LARGE1: variants seen among roughly 807,000 people sequenced by gnomAD.
LARGE1 encodes the protein xylosyl- and glucuronyltransferase LARGE1.
A neutral mutation model predicts 87.6 loss-of-function variants in LARGE1; 43 were observed. That is an observed-to-expected ratio of 0.49 (90% CI 0.38 to 0.63). LARGE1 has a LOEUF of 0.63. Ranked by LOEUF, LARGE1 falls within the 30% of genes least tolerant of loss-of-function variation. The pLI, the probability that LARGE1 is intolerant of heterozygous loss-of-function variation, is 0.00. For synonymous variants in LARGE1, 434 were observed against 394.6 expected, an observed-to-expected ratio of 1.10 and a Z score of -1.18; for missense variants, 802 against 1,000.2, an observed-to-expected ratio of 0.80 and a Z score of 2.67.
chr22:33,352,422 T>C (rs776572825), intron 9 of LARGE1, among the ~76,000 whole-genome samples: 5 of 152,166 alleles, frequency 3.3e-5, no homozygotes, highest in African/African-American at 2.4e-5. Context: ...AAGCAATATA[T>C]TGATGTTGGT....
intron 7 of LARGE1, among the ~76,000 whole-genome samples, chr22:33,411,730 C>G (rs2066310937): frequency 1.3e-5 from 2 of 152,098 alleles, no homozygotes; most frequent in South Asian, 4.1e-4. Flanking sequence ...AACCTAGGTA[C>G]AGCTAAAATA....
intron 2 of LARGE1, among the ~76,000 whole-genome samples, chr22:33,668,440 G>C (rs1398059796): frequency 6.6e-6 from 1 of 152,222 alleles, no homozygotes; most frequent in African/African-American, 2.4e-5. Flanking sequence ...GCATTTAGCT[G>C]CTCCAGCTAA....
intron 1 of LARGE1, among the ~76,000 whole-genome samples, chr22:33,882,032 T>TG (rs201650231): frequency 0.038 from 5,182 of 137,640 alleles, 104 homozygotes; most frequent in Middle Eastern, 0.07. Flanking sequence ...TTTTTTTGTT[T>TG]TTGTTTTTTT....
intron 1 of LARGE1, among the ~76,000 whole-genome samples, chr22:33,812,471 CAGG>C (rs2086525823): frequency 6.6e-6 from 1 of 152,222 alleles, no homozygotes; most frequent in Non-Finnish European, 1.5e-5. Flanking sequence ...TCTCTTCATT[CAGG>C]TCTCCTAGGA....
intron 6 of LARGE1, among the ~76,000 whole-genome samples, chr22:33,535,209 G>A (rs924504875): frequency 3.3e-5 from 5 of 152,168 alleles, no homozygotes; most frequent in African/African-American, 1.2e-4. Flanking sequence ...ACAATGAAGT[G>A]CGTGTGTCCG....
chr22:33,660,101 T>G (rs1306400410), intron 2 of LARGE1, among the ~76,000 whole-genome samples: 9 of 150,914 alleles, frequency 6.0e-5, no homozygotes, highest in African/African-American at 2.2e-4. Context: ...TTTTTTTTTT[T>G]TTTTTTTGCC....
chr22:33,311,614 A>G (rs1276833193), intron 11 of LARGE1, among the ~76,000 whole-genome samples: 2 of 152,240 alleles, frequency 1.3e-5, no homozygotes, highest in African/African-American at 4.8e-5. Flanking sequence ...GTGAGGCTCA[A>G]AAAGGCTAAG....
intron 1 of LARGE1, among the ~76,000 whole-genome samples, chr22:33,849,592 C>CTTTTTTTTTTTTTT (rs71187287): frequency 1.1e-5 from 1 of 88,592 alleles, no homozygotes; most frequent in African/African-American, 4.7e-5. Context: ...CTTTTCTTCT[C>CTTTTTTTTTTTTTT]TTTTTTTTTT....
At chr22:33,170,450 C>A (rs1459541441) in intron 11 of LARGE1, among the ~76,000 whole-genome samples, 1 of 152,186 alleles carries the variant, frequency 6.6e-6, no homozygotes, top group East Asian at 1.9e-4. Context: ...TGTCCCTACC[C>A]AAATCTCATC....
At chr22:33,912,589 A>G (rs2065668410) in intron 1 of LARGE1, among the ~76,000 whole-genome samples, 1 of 152,130 alleles carries the variant, frequency 6.6e-6, no homozygotes, top group Non-Finnish European at 1.5e-5. Context: ...CAGCCCCATA[A>G]TGCGACAAAA....
At chr22:33,142,038 C>CAA in the LARGE1 span, among the ~76,000 whole-genome samples, 2 of 151,968 alleles carry the variant, frequency 1.3e-5, no homozygotes, top group South Asian at 4.2e-4. Context: ...AACAACAAAA[C>CAA]AAAACAAAAC....
At chr22:33,386,112 G>A (rs2065315034) in intron 7 of LARGE1, among the ~76,000 whole-genome samples, 1 of 148,924 alleles carries the variant, frequency 6.7e-6, no homozygotes, top group Admixed American at 6.7e-5. Flanking sequence ...GGACAAATTA[G>A]ATCTGCTGCA....
intron 6 of LARGE1, among the ~76,000 whole-genome samples, chr22:33,457,649 A>C (rs900728294): frequency 1.3e-4 from 20 of 152,198 alleles, no homozygotes; most frequent in Non-Finnish European, 5.9e-5. Context: ...AAAAGTGTAC[A>C]AAAAAGGAAT....
intron 1 of LARGE1, among the ~76,000 whole-genome samples, chr22:33,824,451 A>G (rs377344248): frequency 6.6e-6 from 1 of 152,212 alleles, no homozygotes; most frequent in African/African-American, 2.4e-5. Flanking sequence ...CATTATCACG[A>G]GAACAGCAAG....
chr22:33,546,898 T>G (rs1335968310), intron 6 of LARGE1, among the ~76,000 whole-genome samples: 1 of 152,224 alleles, frequency 6.6e-6, no homozygotes, highest in Non-Finnish European at 1.5e-5. Flanking sequence ...TTATCCATTC[T>G]TACAAACTCG....
chr22:33,427,928 G>A (rs2066935490), intron 7 of LARGE1, among the ~76,000 whole-genome samples: 1 of 152,214 alleles, frequency 6.6e-6, no homozygotes, highest in African/African-American at 2.4e-5. Context: ...CTTTTCTGGG[G>A]ATTTTCAAAG....
chr22:33,635,091 C>T (rs1006511630), intron 3 of LARGE1, among the ~76,000 whole-genome samples: 1 of 151,288 alleles, frequency 6.6e-6, no homozygotes, highest in African/African-American at 2.4e-5. Context: ...GCACTCTAGC[C>T]TGGGTGACAG....
At chr22:33,599,237 C>T (rs1260352910) in intron 5 of LARGE1, among the ~76,000 whole-genome samples, 1 of 152,222 alleles carries the variant, frequency 6.6e-6, no homozygotes, top group Non-Finnish European at 1.5e-5. Context: ...TAATCTTAAG[C>T]AAATGCTCTT....
intron 2 of LARGE1, among the ~76,000 whole-genome samples, chr22:33,667,154 C>T (rs1398078225): frequency 6.6e-6 from 1 of 152,256 alleles, no homozygotes; most frequent in Non-Finnish European, 1.5e-5. Flanking sequence ...CGCATATACA[C>T]ACACCTGGGT....
Sources: gnomAD v4.1 joint callset for allele counts (sites outside exome capture counted in the v4.1 genomes callset) on GRCh38, gnomAD v4.1.1 for gene constraint, MANE v1.5 for transcripts, NCBI Gene and HGNC (gene_info 2026-07-23, HGNC 2026-07-21) for gene names.